DCC: variants seen among roughly 807,000 people sequenced by gnomAD.
The protein encoded by DCC is DCC netrin 1 receptor.
DCC carries 58 observed loss-of-function variants against 172.5 expected under a neutral mutation model. That is an observed-to-expected ratio of 0.34 (90% CI 0.27 to 0.42). The LOEUF (loss-of-function observed/expected upper bound fraction) is 0.42. DCC is among the 10% of genes least tolerant of loss of function. The pLI is 1.00. For missense variants in DCC, 1,740 were observed against 1,791.0 expected (o/e 0.97, Z 0.51); for synonymous variants, 709 against 644.5 (o/e 1.10, Z -1.52).
intron 12 of DCC, among the ~76,000 whole-genome samples, chr18:53,303,003 A>G (rs560850842): frequency 6.6e-6 from 1 of 152,308 alleles, no homozygotes; most frequent in African/African-American, 2.4e-5. Flanking sequence ...TAGAGTCTCA[A>G]GTATTCCAGT....
intron 2 of DCC, among the ~76,000 whole-genome samples, chr18:52,763,501 T>C (rs2037195124): frequency 6.6e-6 from 1 of 152,240 alleles, no homozygotes; most frequent in Non-Finnish European, 1.5e-5. Context: ...TTGTTTCCAG[T>C]TATGTCCCAG....
At position 53,148,890 on chromosome 18, in the gene DCC, G is replaced by A. The variant is rs777590332; in HGVS notation, c.1262-8466G>A. Among the ~76,000 whole-genome samples the A allele has an allele frequency of 6.4e-5, 5 of 78,086 alleles. No homozygotes were observed. In the South Asian group the frequency reaches 1.3e-3, roughly 21 times the overall value. The allele number at this position is 78,086 out of a possible 152,430, so 51.2% of individuals were successfully genotyped here. On this transcript the variant is annotated intron_variant, in intron 7 of 28. Coordinates refer to ENST00000442544, the MANE Select transcript of DCC (RefSeq NM_005215.4). ...CTTTTTTTTTTTTTTTTTGGACAAA[G>A]TCTCGCTCTGTTGCCCAGGCTGGAG...
rs186542206 is a variant in DCC, at chr18:53,228,337, A to G, written c.1911+12740A>G. 1.3e-3 allele frequency among the ~76,000 whole-genome samples: 199 copies of G among 152,302 alleles called. 2 individuals carry two copies. The highest frequency in any genetic ancestry group is 4.7e-3 in the African/African-American group (194 of 41,574). On this transcript the variant is annotated intron_variant, in intron 12 of 28. Transcript: ENST00000442544. The stretch of plus-strand genomic sequence containing the variant: ...CAGAGAAAAGTCAATGAAGAATTTA[A>G]AGGTTATTTCCGTTACAATCTTGGA...
intron 9 of DCC, among the ~76,000 whole-genome samples, chr18:53,180,801 C>T (rs182740908): frequency 2.0e-5 from 3 of 152,088 alleles, no homozygotes; most frequent in South Asian, 4.2e-4. Context: ...TTAGTAGAGA[C>T]GAGCTTTCAC....
chr18:52,909,902 A>C (rs778493682), intron 3 of DCC, among the ~76,000 whole-genome samples: 2 of 152,204 alleles, frequency 1.3e-5, no homozygotes, highest in African/African-American at 2.4e-5. Context: ...AATACCAACA[A>C]GTACTAGCTA....
chr18:53,520,822 AG>A (rs1184552189), intron 27 of DCC, among the ~76,000 whole-genome samples: 1 of 152,046 alleles, frequency 6.6e-6, no homozygotes. Context: ...TTGCCTAATT[AG>A]TTGTTAATAA....
chr18:52,765,865 C>T (rs900532149), intron 2 of DCC, among the ~76,000 whole-genome samples: 1 of 152,136 alleles, frequency 6.6e-6, no homozygotes, highest in African/African-American at 2.4e-5. Context: ...CGTTCTGGGC[C>T]TAGTTTTTTC....
intron 19 of DCC, among the ~76,000 whole-genome samples, chr18:53,405,811 A>G (rs560351315): frequency 1.3e-5 from 2 of 152,358 alleles, no homozygotes; most frequent in Non-Finnish European, 1.5e-5. Context: ...CCATTTTAAA[A>G]TGAAAAGCTT....
At chr18:52,846,105 T>C (rs12604264) in intron 2 of DCC, among the ~76,000 whole-genome samples, 24,694 of 152,156 alleles carry the variant, frequency 0.16, 2,018 homozygotes, top group South Asian at 0.27. Flanking sequence ...TTTCATTGAT[T>C]TCCAGCAGTT....
At chr18:52,392,834 C>T (rs1986080754) in intron 1 of DCC, among the ~76,000 whole-genome samples, 2 of 152,070 alleles carry the variant, frequency 1.3e-5, no homozygotes, top group African/African-American at 4.8e-5. Context: ...CCATCTTCCA[C>T]TTTTTTTCAG....
chr18:53,159,803 TGTATTAA>T lies in DCC; in HGVS notation c.1418+2292_1418+2298del, dbSNP rs2054805372. On this transcript the variant is annotated intron_variant, in intron 8 of 28. Transcript: ENST00000442544. ...TGTGTGATGCTTCTGTATTTAATAA[TGTATTAA>T]ATACGAATAATACTTTTTTGGTAAA... 7.2e-5 allele frequency among the ~76,000 whole-genome samples: 11 copies of T among 152,332 alleles called. No homozygotes were observed. In the South Asian group the frequency reaches 2.3e-3, roughly 32 times the overall value.
At chr18:53,345,093 C>T (rs2057708209) in intron 15 of DCC, among the ~76,000 whole-genome samples, 1 of 151,560 alleles carries the variant, frequency 6.6e-6, no homozygotes, top group Non-Finnish European at 1.5e-5. Context: ...CCTAATAAAA[C>T]TTTATTTGTG....
intron 22 of DCC, among the ~76,000 whole-genome samples, chr18:53,442,829 T>C (rs1460612879): frequency 1.3e-5 from 2 of 152,224 alleles, no homozygotes; most frequent in Non-Finnish European, 2.9e-5. Flanking sequence ...AAAGTTTTTG[T>C]GGTCTGGATA....
intron 2 of DCC, among the ~76,000 whole-genome samples, chr18:52,886,629 G>T (rs948099488): frequency 2.6e-5 from 4 of 152,108 alleles, no homozygotes; most frequent in Admixed American, 2.6e-4. Flanking sequence ...TGGAGGAGGG[G>T]GGTCAGACAA....
At chr18:53,292,398 C>A (rs370312940) in intron 12 of DCC, among the ~76,000 whole-genome samples, 3 of 152,040 alleles carry the variant, frequency 2.0e-5, no homozygotes, top group East Asian at 1.9e-4. Flanking sequence ...TTAAAAAAAA[C>A]CACCTCAGCC....
At chr18:53,315,980 C>G (rs771681799) in intron 13 of DCC, among the ~76,000 whole-genome samples, 18 of 152,268 alleles carry the variant, frequency 1.2e-4, no homozygotes, top group Non-Finnish European at 2.2e-4. Context: ...AATTAGCTCC[C>G]ATTTGTCAAT....
chr18:52,646,788 G>C (rs1598984646), intron 1 of DCC, among the ~76,000 whole-genome samples: 2 of 152,232 alleles, frequency 1.3e-5, no homozygotes, highest in Middle Eastern at 6.8e-3. Context: ...TCACTAACCA[G>C]GATGCTCATC....
At chr18:52,877,370 G>A (rs745509275) in intron 2 of DCC, among the ~76,000 whole-genome samples, 12 of 147,624 alleles carry the variant, frequency 8.1e-5, no homozygotes, top group Non-Finnish European at 1.5e-4. Context: ...GGAGGAGGGT[G>A]TGTGTGTGTG....
rs1258086630 is a variant in DCC, at chr18:52,522,540, C to T, written c.91+181662C>T. Among the ~76,000 whole-genome samples, 8 of 152,152 alleles carry T rather than the reference C, an allele frequency of 5.3e-5. No individual in the cohort carries two copies. In the East Asian group the frequency reaches 1.2e-3, roughly 22 times the overall value. On this transcript the variant is annotated intron_variant, in intron 1 of 28. Transcript: ENST00000442544. ...CCAGTTAAATTTTAGAAAACAAGTACTGCATATTGCGTTATTTACTTATAT... is the reference window on the plus strand; with the variant it reads ...CCAGTTAAATTTTAGAAAACAAGTATTGCATATTGCGTTATTTACTTATAT...
Sources: allele counts gnomAD v4.1 joint callset (sites outside exome capture counted in the v4.1 genomes callset), GRCh38; gene constraint gnomAD v4.1.1; transcripts MANE v1.5; gene names NCBI Gene and HGNC (gene_info 2026-07-23, HGNC 2026-07-21).